ZNF605: variants seen among roughly 807,000 people sequenced by gnomAD.
ZNF605 encodes the protein zinc finger protein 605.
ZNF605 carries 9 observed loss-of-function variants against 7.9 expected under a neutral mutation model. The ratio of observed to expected loss-of-function variants is 1.14; its 90% CI spans 0.68 to 1.98. The LOEUF is 1.98. ZNF605 is among the 30% of genes most tolerant of loss of function. The probability of loss-of-function intolerance (pLI) is 0.00; values close to 1 mark genes in which losing one functional copy is unlikely to be tolerated. For synonymous variants in ZNF605, 255 were observed against 260.1 expected (o/e 0.98, Z 0.19); for missense variants, 673 against 762.4 (o/e 0.88, Z 1.38).
chr12:132,951,919 C>T (rs923190130), intron 1 of ZNF605, among the ~76,000 whole-genome samples: 40 of 151,568 alleles, frequency 2.6e-4, no homozygotes, highest in Admixed American at 2.3e-3. Context: ...CAAACACATA[C>T]GTACATCACA....
At position 132,919,793 on chromosome 12, in the gene ZNF605, T is replaced by C. The variant is rs995932969; in HGVS notation, c.*5580A>G. ...GCCTCGATAGCTACATTCTTTTTGC[T>C]GTGCACATTTCGAGATTTAGGTATC... On this transcript the variant is annotated 3_prime_UTR_variant, in exon 5 of 5. Transcript: ENST00000360187. The C allele has an allele frequency of 6.6e-6, 1 of 152,206 alleles. No homozygotes were observed. The highest frequency in any genetic ancestry group is 1.5e-5 in the Non-Finnish European group (1 of 68,048). The allele number at this position is 152,206 out of a possible 1,614,324, so 9.4% of individuals were successfully genotyped here. A position where few individuals can be genotyped will look rare whatever the true frequency, so the allele number is the denominator to read the frequency against.
At chr12:132,927,514 T>TGC (rs1354065033) in intron 4 of ZNF605, among the ~76,000 whole-genome samples, 1 of 148,028 alleles carries the variant, frequency 6.8e-6, no homozygotes. Flanking sequence ...TACAGGCATG[T>TGC]GCCACCACAC....
chr12:132,942,740 A>C (rs1052249638), intron 3 of ZNF605, among the ~76,000 whole-genome samples: 13 of 152,276 alleles, frequency 8.5e-5, no homozygotes, highest in Middle Eastern at 3.4e-3. Context: ...TTTCCTGGCC[A>C]GTGTTCTGCT....
intron 1 of ZNF605, among the ~76,000 whole-genome samples, chr12:132,953,866 C>T (rs1001729590): frequency 1.1e-4 from 17 of 152,068 alleles, no homozygotes; most frequent in African/African-American, 2.9e-4. Flanking sequence ...GACACTTGCA[C>T]GCATACTTGG....
In ZNF605 at chr12:132,941,275, C is replaced by T. The variant is rs965876759; in HGVS notation, c.15+4346G>A. 1.3e-5 allele frequency among the ~76,000 whole-genome samples: 2 copies of T among 152,110 alleles called. No individual in the cohort carries two copies. The highest frequency in any genetic ancestry group is 2.9e-5 in the Non-Finnish European group (2 of 68,040). The stretch of plus-strand genomic sequence containing the variant: ...GTGTGCTGCTTCTGCTCTCAGAAGA[C>T]GGTGAACCACGGGAAACAGCTGTCC... On this transcript the variant is annotated intron_variant, in intron 3 of 4. Transcript: ENST00000360187. This position sits in a 1 kb window ranked among gnomAD's most constrained non-coding sequence, Gnocchi z 5.1.
chr12:132,950,953 G>GCA (rs62647719), intron 1 of ZNF605, among the ~76,000 whole-genome samples: 4 of 147,522 alleles, frequency 2.7e-5, no homozygotes, highest in African/African-American at 5.0e-5. Flanking sequence ...ACATAGACAT[G>GCA]CACACACACA....
chr12:132,943,614 G>GGT (rs1355039221), intron 3 of ZNF605, among the ~76,000 whole-genome samples: 1 of 152,086 alleles, frequency 6.6e-6, no homozygotes, highest in Non-Finnish European at 1.5e-5. Context: ...TCCTCGTTGG[G>GGT]GTGGGGGAGA....
At chr12:132,937,379 A>T (rs892277577) in intron 3 of ZNF605, among the ~76,000 whole-genome samples, 9,261 of 149,902 alleles carry the variant, frequency 0.062, 388 homozygotes, top group Non-Finnish European at 0.1. Context: ...AAAAAAAAAA[A>T]AGAAAATGTA....
intron 3 of ZNF605, among the ~76,000 whole-genome samples, chr12:132,938,038 T>G (rs1593589836): frequency 6.6e-6 from 1 of 152,256 alleles, no homozygotes; most frequent in Non-Finnish European, 1.5e-5. Context: ...TGGAGTGCAG[T>G]GGCGCGATCT....
chr12:132,927,084 T>C lies in ZNF605; in HGVS notation c.215A>G (p.Tyr72Cys), dbSNP rs116985064. The stretch of plus-strand genomic sequence containing the variant: ...ATTAAATATTTTTCCAAAAACATCA[T>C]ATTTATGGCCTCTCTCCATACTTTT... ...NLKSMERGHK[Y>C]DVFGKIFNSS... is the part of the protein sequence containing the mutation. Residue 72 changes from tyrosine (Y) to cysteine (C), a missense_variant, in exon 5 of 5, where the codon TAT (tyrosine) becomes TGT (cysteine). Tyr to Cys is a radical substitution (Grantham distance 194, BLOSUM62 -2). Transcript: ENST00000360187. The C allele has an allele frequency of 0.042, 66,514 of 1,600,468 alleles. 1,647 individuals are homozygous for C. The highest frequency in any genetic ancestry group is 0.05 in the Non-Finnish European group (58,958 of 1,179,602).
At chr12:132,948,841 G>C (rs1012935617) in intron 1 of ZNF605, among the ~76,000 whole-genome samples, 1 of 152,168 alleles carries the variant, frequency 6.6e-6, no homozygotes, top group Non-Finnish European at 1.5e-5. Flanking sequence ...GTGACCCCAC[G>C]CTCAGGAACC....
In ZNF605 at chr12:132,925,783, C is replaced by T; in HGVS notation, c.1516G>A (p.Glu506Lys). The stretch of plus-strand genomic sequence containing the variant: ...AAAGCTTTCCTACATTCACTACATT[C>T]AAAGGGCTTTTCTCCAGTATGGGTT... The part of the protein sequence containing the change: ...QRTHTGEKPF[E>K]CSECRKAFAW... Residue 506 changes from glutamate to lysine, a missense_variant, in exon 5 of 5, where the codon GAA (glutamate) becomes AAA (lysine). Glu to Lys is a moderately conservative substitution (Grantham distance 56). Transcript: ENST00000360187. 1.2e-6 allele frequency: 2 copies of T among 1,614,120 alleles called. No homozygotes were observed. Among genetic ancestry groups the T allele is most frequent in the Non-Finnish European group, 1.7e-6 (2 of 1,179,998 alleles).
At position 132,934,722 on chromosome 12, in the gene ZNF605, A is replaced by AAAG. The variant is rs1555279190; in HGVS notation, c.16-1568_16-1567insCTT. Among the ~76,000 whole-genome samples, 311 of 136,138 alleles carry AAAG rather than the reference A, an allele frequency of 2.3e-3. 17 individuals carry two copies. In the East Asian group the frequency reaches 0.037, roughly 16 times the overall value. 89.3% of individuals were successfully genotyped at this position (136,138 alleles called of 152,430 possible). The stretch of plus-strand genomic sequence containing the variant: ...TCCGTCTAAAAAAAAAAAAAAAAAA[A>AAAG]GATTCCAGGAACCATAACAGGTACT... On this transcript the variant is annotated intron_variant, in intron 3 of 4. Transcript: ENST00000360187.
chr12:132,926,384 T>C lies in ZNF605; in HGVS notation c.915A>G (p.Gly305=). ...AGTGACTACATGGATAGGGTTTCTC[T>C]CCTGTGTGCGCTCTCTGATGTGTGA... ...KLITHQRAHT[G]EKPYPCSHCG... The change falls in exon 5 of 5, where the codon GGA becomes GGG. Residue 305 remains glycine, a synonymous_variant. Transcript: ENST00000360187. 1.2e-6 allele frequency: 2 copies of C among 1,614,162 alleles called. No individual in the cohort carries two copies. Among genetic ancestry groups the C allele is most frequent in the Non-Finnish European group, 1.7e-6 (2 of 1,180,040 alleles).
chr12:132,951,439 G>A (rs751203158), intron 1 of ZNF605, among the ~76,000 whole-genome samples: 223 of 150,250 alleles, frequency 1.5e-3, no homozygotes, highest in Middle Eastern at 7.0e-3. Flanking sequence ...CCACAGATAC[G>A]TATCTCATAC....
rs1463535430 is a variant in ZNF605 at position 132,932,585 on chromosome 12, T to G, written c.136+450A>C. The G allele has an allele frequency of 6.5e-6, 4 of 612,720 alleles. No individual in the cohort carries two copies. The Admixed American group carries it at 1.3e-4, about 19-fold the overall frequency. 38.0% of individuals were successfully genotyped at this position (612,720 alleles called of 1,614,324 possible). The stretch of plus-strand genomic sequence containing the variant: ...CCATTAAAACTCATGTCACCAATCT[T>G]GAGTCAACTCTAAAGATTCAGGAAC... On this transcript the variant is annotated intron_variant, in intron 4 of 4. Coordinates refer to ENST00000360187, the MANE Select transcript of ZNF605 (RefSeq NM_183238.4).
chr12:132,926,380 T>G lies in ZNF605; in HGVS notation c.919A>C (p.Lys307Gln). Residue 307 changes from lysine to glutamine, a missense_variant, in exon 5 of 5, where the codon AAA (lysine) becomes CAA (glutamine). Physicochemically the swap from Lys to Gln is moderately conservative, Grantham distance 53. Coordinates refer to ENST00000360187, the MANE Select transcript of ZNF605 (RefSeq NM_183238.4). ...CCACAGTGACTACATGGATAGGGTT[T>G]CTCTCCTGTGTGCGCTCTCTGATGT... ...ITHQRAHTGE[K>Q]PYPCSHCGKA... 6.2e-7 allele frequency: 1 copy of G among 1,614,200 alleles called. No individual in the cohort carries two copies. The highest frequency in any genetic ancestry group is 8.5e-7 in the Non-Finnish European group (1 of 1,180,028).
At chr12:132,931,009 T>C (rs1952303309) in intron 4 of ZNF605, among the ~76,000 whole-genome samples, 1 of 152,168 alleles carries the variant, frequency 6.6e-6, no homozygotes, top group African/African-American at 2.4e-5. Flanking sequence ...AGTGAGATCC[T>C]GTCTCTCCAG....
intron 2 of ZNF605, among the ~76,000 whole-genome samples, chr12:132,946,697 G>A (rs1233365257): frequency 6.6e-6 from 1 of 152,174 alleles, no homozygotes; most frequent in African/African-American, 2.4e-5. Flanking sequence ...GCTGGGAGTT[G>A]CGGGAGTGGC....
Sources: allele counts gnomAD v4.1 joint callset (sites outside exome capture counted in the v4.1 genomes callset), GRCh38; gene constraint gnomAD v4.1.1; non-coding constraint Gnocchi (gnomAD v3.1); transcripts MANE v1.5; gene names NCBI Gene and HGNC (gene_info 2026-07-23, HGNC 2026-07-21).